The following LOC400499 variants were observed in gnomAD, a reference collection of about 807,000 sequenced individuals.
chr16:11,401,918 A>G, the LOC400499 span: 1 of 398,124 alleles, frequency 2.5e-6, no homozygotes, highest in Non-Finnish European at 4.4e-6. Flanking sequence ...GGGATGTGGT[A>G]CAGCCTCATT....
chr16:11,522,844 G>T, the LOC400499 span, among the ~76,000 whole-genome samples: 1 of 152,144 alleles, frequency 6.6e-6, no homozygotes, highest in African/African-American at 2.4e-5. Context: ...GGGATCTGGG[G>T]GTGAGGAGAG....
the LOC400499 span, among the ~76,000 whole-genome samples, chr16:11,423,454 C>G: frequency 6.6e-5 from 10 of 152,354 alleles, no homozygotes; most frequent in Middle Eastern, 3.4e-3. Flanking sequence ...ACGGAGCTCC[C>G]AGCATGCAGG....
the LOC400499 span, among the ~76,000 whole-genome samples, chr16:11,373,864 C>T: frequency 1.7e-3 from 254 of 152,262 alleles, no homozygotes; most frequent in African/African-American, 5.9e-3. Context: ...AGGTGATCTG[C>T]CCGCCTCGGC....
At chr16:11,460,692 C>T in the LOC400499 span, 1 of 1,447,702 alleles carries the variant, frequency 6.9e-7, no homozygotes, top group Non-Finnish European at 9.1e-7. Context: ...AGGGCCCGGC[C>T]CAGCCTGGCC....
At chr16:11,414,179 G>GT in the LOC400499 span, among the ~76,000 whole-genome samples, 1 of 152,234 alleles carries the variant, frequency 6.6e-6, no homozygotes, top group Non-Finnish European at 1.5e-5. Flanking sequence ...AGCAGACCTG[G>GT]TTATAGCGAT....
the LOC400499 span, among the ~76,000 whole-genome samples, chr16:11,376,941 C>T: frequency 7.0e-6 from 1 of 142,906 alleles, no homozygotes. Flanking sequence ...TGTAAATGGA[C>T]TTTTTTTTTT....
the LOC400499 span, chr16:11,460,490 G>T: frequency 6.5e-7 from 1 of 1,529,836 alleles, no homozygotes; most frequent in Non-Finnish European, 8.8e-7. Context: ...GTGGCTGAAG[G>T]CTAGGATCTG....
the LOC400499 span, among the ~76,000 whole-genome samples, chr16:11,386,853 G>T: frequency 1.2e-4 from 18 of 152,212 alleles, no homozygotes; most frequent in Non-Finnish European, 2.5e-4. Flanking sequence ...GAGGGCTGCC[G>T]TCTTCTCCAG....
the LOC400499 span, chr16:11,392,898 G>A: frequency 1.4e-6 from 1 of 715,646 alleles, no homozygotes; most frequent in Non-Finnish European, 1.7e-6. Context: ...CTGTCGCCTA[G>A]GCTGGTGTGT....
the LOC400499 span, among the ~76,000 whole-genome samples, chr16:11,400,123 C>T: frequency 2.0e-5 from 3 of 151,768 alleles, no homozygotes; most frequent in Non-Finnish European, 4.4e-5. Context: ...AGAAAGCAAC[C>T]GTGCTCCTCA....
At chr16:11,525,284 C>T in the LOC400499 span, among the ~76,000 whole-genome samples, 11 of 142,030 alleles carry the variant, frequency 7.7e-5, no homozygotes, top group Admixed American at 4.1e-4. Context: ...AGAGTTAAGA[C>T]CTTGTCCCAA....
At chr16:11,398,577 G>C in the LOC400499 span, 1 of 1,168,934 alleles carries the variant, frequency 8.6e-7, no homozygotes, top group Non-Finnish European at 1.1e-6. Flanking sequence ...AGCTGCAGTT[G>C]GAGACCCTCA....
the LOC400499 span, among the ~76,000 whole-genome samples, chr16:11,406,602 C>G: frequency 6.6e-6 from 1 of 152,130 alleles, no homozygotes; most frequent in Non-Finnish European, 1.5e-5. Context: ...CTGGCTAATT[C>G]CATATTTTTA....
chr16:11,378,379 T>A, the LOC400499 span, among the ~76,000 whole-genome samples: 2 of 151,786 alleles, frequency 1.3e-5, no homozygotes, highest in South Asian at 2.1e-4. Flanking sequence ...TTCTCCTGCC[T>A]CAGCCTCCCA....
At chr16:11,399,332 G>A in the LOC400499 span, 1 of 1,035,040 alleles carries the variant, frequency 9.7e-7, no homozygotes, top group African/African-American at 1.7e-5. Flanking sequence ...AGAACACTAA[G>A]GCTCACAGCA....
At chr16:11,456,043 A>ATT in the LOC400499 span, among the ~76,000 whole-genome samples, 1,093 of 142,410 alleles carry the variant, frequency 7.7e-3, 18 homozygotes, top group African/African-American at 0.026. Flanking sequence ...CGTGGATAAA[A>ATT]TTTTTTTTTT....
chr16:11,390,802 C>CA, the LOC400499 span, among the ~76,000 whole-genome samples: 169 of 152,284 alleles, frequency 1.1e-3, no homozygotes, highest in African/African-American at 3.9e-3. Context: ...AGGAGTCTGA[C>CA]AGTGTGGTCC....
chr16:11,428,719 T>C, the LOC400499 span, among the ~76,000 whole-genome samples: 565 of 152,300 alleles, frequency 3.7e-3, 3 homozygotes, highest in African/African-American at 0.013. Flanking sequence ...CTTAACCTCC[T>C]GGGAACGCAG....
chr16:11,428,070 G>A, the LOC400499 span, among the ~76,000 whole-genome samples: 1 of 152,164 alleles, frequency 6.6e-6, no homozygotes, highest in Non-Finnish European at 1.5e-5. Context: ...ATAAAGAATG[G>A]CTACTCCAGA....
Sources: gnomAD v4.1 joint callset for allele counts (sites outside exome capture counted in the v4.1 genomes callset) on GRCh38, gnomAD v4.1.1 for gene constraint, MANE v1.5 for transcripts.